The following AGAP1 variants were observed in gnomAD, a reference collection of about 807,000 sequenced individuals.
AGAP1 encodes ArfGAP with GTPase domain, ankyrin repeat and PH domain 1.
Under a neutral mutation model 105.3 loss-of-function variants are expected in AGAP1, and 29 were observed. That is an observed-to-expected ratio of 0.28 (90% confidence interval 0.21 to 0.38). The LOEUF (loss-of-function observed/expected upper bound fraction) is 0.38. Ranked by LOEUF, AGAP1 falls within the 10% of genes least tolerant of loss-of-function variation. The probability of loss-of-function intolerance (pLI) is 1.00; values close to 1 mark genes in which losing one functional copy is unlikely to be tolerated. For synonymous variants in AGAP1, 509 were observed against 485.9 expected, an observed-to-expected ratio of 1.05 and a Z score of -0.63; for missense variants, 998 against 1,165.1, an observed-to-expected ratio of 0.86 and a Z score of 2.09.
intron 13 of AGAP1, among the ~76,000 whole-genome samples, chr2:236,034,728 C>T (rs1404081402): frequency 6.6e-6 from 1 of 152,248 alleles, no homozygotes; most frequent in African/African-American, 2.4e-5. Context: ...GCGGGGCTAA[C>T]CAGCCAGGGC....
At chr2:235,629,861 C>T (rs534095201) in intron 1 of AGAP1, among the ~76,000 whole-genome samples, 8 of 64,524 alleles carry the variant, frequency 1.2e-4, no homozygotes, top group African/African-American at 4.7e-4. Flanking sequence ...GAGACCCTGT[C>T]TCAAAAAAAA....
rs887801732 is a variant in AGAP1, at chr2:235,557,281, C to G, written c.163+62432C>G. Among the ~76,000 whole-genome samples, 1 of 152,068 alleles carries G rather than the reference C, an allele frequency of 6.6e-6. No homozygotes were observed. The highest frequency in any genetic ancestry group is 1.5e-5 in the Non-Finnish European group (1 of 68,018). ...GCTGGCCATGGGGATGCTCAGAGCC[C>G]GGCTCTTTCATGGGATCACAGTTTG... On this transcript the variant is annotated intron_variant, in intron 1 of 17. Coordinates refer to ENST00000304032, the MANE Select transcript of AGAP1 (RefSeq NM_001037131.3). The surrounding 1 kb of genome is among the most constrained non-coding windows in gnomAD (Gnocchi z 4.7).
intron 16 of AGAP1, among the ~76,000 whole-genome samples, chr2:236,086,721 G>A (rs574826446): frequency 6.6e-6 from 1 of 152,268 alleles, no homozygotes; most frequent in African/African-American, 2.4e-5. Context: ...TCTTGGTCAG[G>A]AATGAGATAG....
intron 9 of AGAP1, among the ~76,000 whole-genome samples, chr2:235,851,075 G>A (rs1019072552): frequency 5.3e-5 from 8 of 152,334 alleles, no homozygotes; most frequent in African/African-American, 1.7e-4. Flanking sequence ...CAGGAAGGGC[G>A]CTGAGCTGCA....
At chr2:235,943,152 G>T (rs1366246350) in intron 12 of AGAP1, among the ~76,000 whole-genome samples, 1 of 152,080 alleles carries the variant, frequency 6.6e-6, no homozygotes, top group Non-Finnish European at 1.5e-5. Flanking sequence ...ACAACTCTTG[G>T]GACAGGAAAA....
At chr2:235,926,610 G>A (rs962149274) in intron 11 of AGAP1, among the ~76,000 whole-genome samples, 1 of 152,156 alleles carries the variant, frequency 6.6e-6, no homozygotes, top group Non-Finnish European at 1.5e-5. Context: ...TCTTTTGTTG[G>A]TTTTTCTGAA....
At chr2:235,940,232 G>C (rs554178691) in intron 12 of AGAP1, among the ~76,000 whole-genome samples, 2 of 152,098 alleles carry the variant, frequency 1.3e-5, no homozygotes, top group East Asian at 3.9e-4. Flanking sequence ...CACCTCCTCT[G>C]TGTTCCCCTG....
chr2:235,746,411 T>TTTTTTG (rs1472928758), intron 5 of AGAP1, among the ~76,000 whole-genome samples: 1 of 113,082 alleles, frequency 8.8e-6, no homozygotes, highest in African/African-American at 3.2e-5. Context: ...TTTTTTTTTT[T>TTTTTTG]AAAGCGTACG....
Position 236,036,549 on chromosome 2 carries a change from T to G in AGAP1, c.1646-12T>G. On this transcript the variant is annotated splice_polypyrimidine_tract_variant and intron_variant, in intron 13 of 17. Transcript: ENST00000304032. This position sits in a 1 kb window ranked among gnomAD's most constrained non-coding sequence, Gnocchi z 5.7. ...AAAAGCTAAACTCTTCATCCCACAC[T>G]CTGTGTTTCAGAACAAGAAGAAAAT... The G allele has an allele frequency of 6.2e-7, 1 of 1,613,440 alleles. No individual in the cohort carries two copies. The highest frequency in any genetic ancestry group is 8.5e-7 in the Non-Finnish European group (1 of 1,179,532).
chr2:235,508,284 A>G (rs927097761), intron 1 of AGAP1, among the ~76,000 whole-genome samples: 5 of 152,210 alleles, frequency 3.3e-5, no homozygotes, highest in African/African-American at 9.6e-5. Flanking sequence ...CAATAGAACA[A>G]TTATATTCCT....
Position 235,639,912 on chromosome 2 carries a change from T to C in AGAP1, c.164-69267T>C, listed in dbSNP as rs1947134831. Among the ~76,000 whole-genome samples, 1 of 152,304 alleles carries C rather than the reference T, an allele frequency of 6.6e-6. No homozygotes were observed. Among genetic ancestry groups the C allele is most frequent in the Admixed American group, 6.5e-5 (1 of 15,308 alleles). On this transcript the variant is annotated intron_variant, in intron 1 of 17. Coordinates refer to ENST00000304032, the MANE Select transcript of AGAP1 (RefSeq NM_001037131.3). The surrounding 1 kb of genome is among the most constrained non-coding windows in gnomAD (Gnocchi z 5.3). ...ATGGACAGTTTCCCCTTCAGCACCTTTATAGTTGTAATTTGCCCATGATGG... is the reference window on the plus strand; with the variant it reads ...ATGGACAGTTTCCCCTTCAGCACCTCTATAGTTGTAATTTGCCCATGATGG...
In AGAP1 at chr2:235,604,572, C is replaced by CTTTTTTTTT. The variant is rs1166523228; in HGVS notation, c.164-104587_164-104579dup. Reference sequence around the variant, plus strand: ...CGTGTTTCTTTTTTATTTTTATTATCTTTTTTTTTTTTTTTTTTTTTTTTT... The same window carrying CTTTTTTTTT: ...CGTGTTTCTTTTTTATTTTTATTATCTTTTTTTTTTTTTTTTTTTTTTTTTTTTTTTTTT... On this transcript the variant is annotated intron_variant, in intron 1 of 17. Coordinates refer to ENST00000304032, the MANE Select transcript of AGAP1 (RefSeq NM_001037131.3). 1.6e-4 allele frequency among the ~76,000 whole-genome samples: 11 copies of CTTTTTTTTT among 69,680 alleles called. 1 individual carries two copies. The highest frequency in any genetic ancestry group is 2.2e-4 in the Non-Finnish European group (9 of 40,344). The allele number at this position is 69,680 out of a possible 152,430, so 45.7% of individuals were successfully genotyped here.
At chr2:235,833,861 T>TG (rs1468354030) in intron 9 of AGAP1, among the ~76,000 whole-genome samples, 6 of 151,506 alleles carry the variant, frequency 4.0e-5, no homozygotes, top group Non-Finnish European at 5.9e-5. Flanking sequence ...TCTGGTTTTT[T>TG]TTTTTTTTTT....
intron 1 of AGAP1, among the ~76,000 whole-genome samples, chr2:235,592,298 C>A (rs1945372185): frequency 6.6e-6 from 1 of 150,948 alleles, no homozygotes. Flanking sequence ...GTAGATGAGC[C>A]ATGTTCTGGG....
intron 16 of AGAP1, among the ~76,000 whole-genome samples, chr2:236,071,437 G>C (rs1252733893): frequency 2.0e-5 from 3 of 152,182 alleles, no homozygotes; most frequent in African/African-American, 7.2e-5. Context: ...ACCTGGCTTG[G>C]GGTGGCAGGG....
chr2:236,029,520 A>T (rs977741696), intron 13 of AGAP1, among the ~76,000 whole-genome samples: 1 of 151,746 alleles, frequency 6.6e-6, no homozygotes, highest in Non-Finnish European at 1.5e-5. Flanking sequence ...TCCTGACCTC[A>T]GATGATCCAC....
rs936506328 is a variant in AGAP1 at position 235,663,604 on chromosome 2, G to A, written c.164-45575G>A. ...AGGGCATCGTTTGTGGCCTCAATGT[G>A]ATTTTCATGTAAGTCATGGATTTTC... On this transcript the variant is annotated intron_variant, in intron 1 of 17. Coordinates refer to ENST00000304032, the MANE Select transcript of AGAP1 (RefSeq NM_001037131.3). The surrounding 1 kb of genome is among the most constrained non-coding windows in gnomAD (Gnocchi z 5.4). Among the ~76,000 whole-genome samples the A allele has an allele frequency of 3.9e-5, 6 of 152,142 alleles. No homozygotes were observed. Among genetic ancestry groups the A allele is most frequent in the African/African-American group, 4.8e-5 (2 of 41,438 alleles).
In AGAP1 at chr2:236,078,626, C is replaced by T. The variant is rs1465612931; in HGVS notation, c.2114+29345C>T. ...CCCTAGATAAGTATTACCACTGAACCACCTGCTGAGCAGCGTGCTAGCATT... is the reference window on the plus strand; with the variant it reads ...CCCTAGATAAGTATTACCACTGAACTACCTGCTGAGCAGCGTGCTAGCATT... On this transcript the variant is annotated intron_variant, in intron 16 of 17. Transcript: ENST00000304032. This position sits in a 1 kb window ranked among gnomAD's most constrained non-coding sequence, Gnocchi z 5.3. 6.6e-6 allele frequency among the ~76,000 whole-genome samples: 1 copy of T among 152,160 alleles called. No homozygotes were observed. Among genetic ancestry groups the T allele is most frequent in the Non-Finnish European group, 1.5e-5 (1 of 68,024 alleles).
chr2:235,754,393 C>T lies in AGAP1; in HGVS notation c.673+3905C>T, dbSNP rs1022041879. On this transcript the variant is annotated intron_variant, in intron 6 of 17. Transcript: ENST00000304032. The surrounding 1 kb of genome is among the most constrained non-coding windows in gnomAD (Gnocchi z 4.6). ...GTAGAAAGAAAACATAAAGGAAAAG[C>T]GTGTAATTTCTACATAATGTTTGGC... Among the ~76,000 whole-genome samples the T allele has an allele frequency of 4.0e-5, 6 of 150,424 alleles. No homozygotes were observed. Among genetic ancestry groups the T allele is most frequent in the South Asian group, 2.1e-4 (1 of 4,750 alleles).
Sources: allele counts gnomAD v4.1 joint callset (sites outside exome capture counted in the v4.1 genomes callset), GRCh38; gene constraint gnomAD v4.1.1; non-coding constraint Gnocchi (gnomAD v3.1); transcripts MANE v1.5; gene names NCBI Gene and HGNC (gene_info 2026-07-23, HGNC 2026-07-21).